INSL6: variants seen among roughly 807,000 people sequenced by gnomAD.
INSL6 encodes insulin-like peptide INSL6.
INSL6 carries 16 observed loss-of-function variants against 9.4 expected under a neutral mutation model. The observed-to-expected ratio is 1.70, with a 90% CI of 1.15 to 2.59. INSL6 has a LOEUF of 2.59. Among genes scored for constraint, INSL6 ranks in the 30% most tolerant of loss-of-function variants. The probability of loss-of-function intolerance (pLI) is 0.00; values close to 1 mark genes in which losing one functional copy is unlikely to be tolerated. For synonymous variants in INSL6, 154 were observed against 96.9 expected (o/e 1.59, Z -3.46); for missense variants, 391 against 257.3 (o/e 1.52, Z -3.56).
At chr9:5,030,662 C>T in the INSL6 span, among the ~76,000 whole-genome samples, 5 of 152,110 alleles carry the variant, frequency 3.3e-5, no homozygotes, top group Non-Finnish European at 5.9e-5. Flanking sequence ...CTCTTAATCA[C>T]CTCATGTGTA....
the INSL6 span, among the ~76,000 whole-genome samples, chr9:5,060,113 C>A: frequency 6.6e-6 from 1 of 152,146 alleles, no homozygotes; most frequent in East Asian, 1.9e-4. Flanking sequence ...AAGTGTGCAA[C>A]AGCATTATGT....
In INSL6 at chr9:5,141,495, T is replaced by C. The variant is rs534000948; in HGVS notation, c.377-7903A>G. On this transcript the variant is annotated intron_variant, in intron 2 of 3. Coordinates refer to the INSL6 transcript ENST00000649639. ...TTCATACGATTGTTGGCCACATGTA[T>C]GTCTTCTTTGAAAAGTGTCTGTTCA... 1.2e-3 allele frequency among the ~76,000 whole-genome samples: 185 copies of C among 152,354 alleles called. 1 individual carries two copies. Among genetic ancestry groups the C allele is most frequent in the Middle Eastern group, 6.8e-3 (2 of 294 alleles).
chr9:5,041,123 G>A, the INSL6 span: 1 of 892,398 alleles, frequency 1.1e-6, no homozygotes, highest in Non-Finnish European at 1.8e-6. Context: ...GCCCAAGACG[G>A]TGCTCCTGAT....
At chr9:5,084,337 A>C in the INSL6 span, among the ~76,000 whole-genome samples, 1 of 152,114 alleles carries the variant, frequency 6.6e-6, no homozygotes, top group Non-Finnish European at 1.5e-5. Flanking sequence ...GTTTGTCTAG[A>C]TATTTGTACT....
the INSL6 span, among the ~76,000 whole-genome samples, chr9:5,035,027 T>C: frequency 6.6e-6 from 1 of 151,916 alleles, no homozygotes; most frequent in African/African-American, 2.4e-5. Flanking sequence ...ATCAAATACA[T>C]GCAATAAAAA....
the INSL6 span, chr9:5,073,695 T>C: frequency 1.9e-6 from 3 of 1,605,738 alleles, no homozygotes; most frequent in African/African-American, 4.0e-5. Context: ...TTTTTTTCCT[T>C]AGTCTTTCTT....
At chr9:5,107,753 ATATT>A in the INSL6 span, among the ~76,000 whole-genome samples, 1 of 152,102 alleles carries the variant, frequency 6.6e-6, no homozygotes, top group Non-Finnish European at 1.5e-5. Context: ...AATACTGTCA[ATATT>A]TATCATAATT....
At position 5,185,416 on chromosome 9, in the gene INSL6, G is replaced by A. The variant is rs780760292; in HGVS notation, c.187C>T (p.Arg63Trp). The part of the protein sequence containing the change: ...FRFEEETPFS[R>W]LIAQASEKVE... ...TTCTCCGAGGCCTGTGCAATCAACCGTGAGAAAGGGGTTTCCTCCTCGAAA... is the reference window on the plus strand; with the variant it reads ...TTCTCCGAGGCCTGTGCAATCAACCATGAGAAAGGGGTTTCCTCCTCGAAA... The change falls in exon 1 of 2, where the codon CGG (arginine) becomes TGG (tryptophan). Residue 63 changes from arginine to tryptophan, a missense_variant. Arg to Trp is a moderately radical substitution (Grantham distance 101). Transcript: ENST00000381641. 56 of 1,614,060 alleles carry A rather than the reference G, an allele frequency of 3.5e-5. No homozygotes were observed. Among genetic ancestry groups the A allele is most frequent in the East Asian group, 1.6e-4 (7 of 44,882 alleles).
chr9:5,156,970 C>G (rs147977153), intron 2 of INSL6, among the ~76,000 whole-genome samples: 1,543 of 152,128 alleles, frequency 0.01, 17 homozygotes, highest in African/African-American at 0.036. Context: ...TGAGCTGAGA[C>G]TGCGACACTG....
the INSL6 span, among the ~76,000 whole-genome samples, chr9:5,055,442 A>G: frequency 6.6e-6 from 1 of 151,982 alleles, no homozygotes; most frequent in Admixed American, 6.6e-5. Flanking sequence ...GCCATAGCAC[A>G]TTTTAGATTC....
At chr9:5,145,645 T>C (rs942553057) in intron 2 of INSL6, among the ~76,000 whole-genome samples, 2 of 152,200 alleles carry the variant, frequency 1.3e-5, no homozygotes, top group South Asian at 2.1e-4. Context: ...CTTGGAAGGT[T>C]TGTTTATTCC....
chr9:5,116,558 TAAATA>T, the INSL6 span, among the ~76,000 whole-genome samples: 1 of 152,208 alleles, frequency 6.6e-6, no homozygotes, highest in Non-Finnish European at 1.5e-5. Context: ...TTAAAGAGGT[TAAATA>T]AAATTAGCTG....
chr9:5,119,427 C>A (rs1823448975), downstream of INSL6, among the ~76,000 whole-genome samples: 1 of 151,022 alleles, frequency 6.6e-6, no homozygotes, highest in Non-Finnish European at 1.5e-5. Flanking sequence ...ATAATGAAAG[C>A]CTAAAAAAAA....
chr9:5,055,978 C>T, the INSL6 span, among the ~76,000 whole-genome samples: 64 of 152,130 alleles, frequency 4.2e-4, 1 homozygote, highest in Middle Eastern at 3.4e-3. Context: ...CACCATCTTC[C>T]TACAGAGTTT....
At chr9:4,999,083 C>T in the INSL6 span, among the ~76,000 whole-genome samples, 2 of 152,136 alleles carry the variant, frequency 1.3e-5, no homozygotes, top group Non-Finnish European at 1.5e-5. Context: ...CCTCGGCCTC[C>T]CAAAGTGCTG....
chr9:5,065,974 C>T, the INSL6 span, among the ~76,000 whole-genome samples: 2 of 152,096 alleles, frequency 1.3e-5, no homozygotes, highest in African/African-American at 4.8e-5. Context: ...CTGTAATTTA[C>T]ATGTTTAATA....
the INSL6 span, among the ~76,000 whole-genome samples, chr9:4,998,921 A>C: frequency 6.6e-6 from 1 of 151,518 alleles, no homozygotes; most frequent in Non-Finnish European, 1.5e-5. Context: ...TCCCGGGTTC[A>C]CGCCATTCTC....
At chr9:5,045,123 T>C in the INSL6 span, among the ~76,000 whole-genome samples, 65 of 152,322 alleles carry the variant, frequency 4.3e-4, no homozygotes, top group African/African-American at 1.5e-3. Context: ...AATTGAAATA[T>C]TTTGTCATTA....
At chr9:5,140,331 AATC>A (rs1291107267) in intron 2 of INSL6, among the ~76,000 whole-genome samples, 1 of 152,056 alleles carries the variant, frequency 6.6e-6, no homozygotes, top group African/African-American at 2.4e-5. Flanking sequence ...TAATGTACCT[AATC>A]ATAATAATGA....
Sources: gnomAD v4.1 joint callset for allele counts (sites outside exome capture counted in the v4.1 genomes callset) on GRCh38, gnomAD v4.1.1 for gene constraint, MANE v1.5 for transcripts, NCBI Gene and HGNC (gene_info 2026-07-23, HGNC 2026-07-21) for gene names.